The following LRRC20 variants were observed in gnomAD, a reference collection of about 807,000 sequenced individuals.
The protein encoded by LRRC20 is leucine rich repeat containing 20.
A neutral mutation model predicts 14.4 loss-of-function variants in LRRC20; 11 were observed. That is an observed-to-expected ratio of 0.77 (90% confidence interval 0.48 to 1.27). LRRC20 has a LOEUF of 1.27. Ranked by LOEUF, LRRC20 falls within the 50% of genes most tolerant of loss-of-function variation. The probability of loss-of-function intolerance (pLI) is 0.00; values close to 1 mark genes in which losing one functional copy is unlikely to be tolerated. For synonymous variants in LRRC20, 121 were observed against 107.3 expected, an observed-to-expected ratio of 1.13 and a Z score of -0.79; for missense variants, 219 against 251.2, an observed-to-expected ratio of 0.87 and a Z score of 0.87.
chr10:70,333,370 A>G (rs1009836905), intron 3 of LRRC20, among the ~76,000 whole-genome samples: 6 of 152,346 alleles, frequency 3.9e-5, no homozygotes, highest in African/African-American at 1.4e-4. Flanking sequence ...CTGGTGCAGC[A>G]GCAATCCATC....
intron 4 of LRRC20, among the ~76,000 whole-genome samples, chr10:70,304,471 T>TATATAGATAGATAG (rs1491583194): frequency 8.4e-4 from 3 of 3,586 alleles, no homozygotes; most frequent in African/African-American, 3.8e-3. Context: ...GCCACTTCTT[T>TATATAGATAGATAG]ATATATATAT....
Position 70,310,469 on chromosome 10 carries a change from G to C in LRRC20, c.401-8961C>G, listed in dbSNP as rs74491993. 8.5e-3 allele frequency among the ~76,000 whole-genome samples: 1,292 copies of C among 152,258 alleles called. 19 individuals are homozygous for C. The highest frequency in any genetic ancestry group is 0.03 in the African/African-American group (1,243 of 41,540). ...ACGTCCTGCTGCTCCTCAAATCCCA[G>C]CTCAAGGGCGGCTTCCTTTGCCACT... On this transcript the variant is annotated intron_variant, in intron 4 of 4. Coordinates refer to ENST00000446961, the MANE Select transcript of LRRC20 (RefSeq NM_001278212.2).
chr10:70,307,234 T>G (rs1164610638), intron 4 of LRRC20, among the ~76,000 whole-genome samples: 1 of 152,212 alleles, frequency 6.6e-6, no homozygotes, highest in Non-Finnish European at 1.5e-5. Context: ...TGACTGCTGC[T>G]TAGTATACCA....
At chr10:70,318,314 C>G (rs965354576) in intron 4 of LRRC20, among the ~76,000 whole-genome samples, 1 of 152,184 alleles carries the variant, frequency 6.6e-6, no homozygotes, top group Non-Finnish European at 1.5e-5. Context: ...GCATTTCTAA[C>G]CCGTTCTCTA....
At chr10:70,372,090 AC>A (rs1253654861) in intron 2 of LRRC20, among the ~76,000 whole-genome samples, 3 of 150,538 alleles carry the variant, frequency 2.0e-5, no homozygotes, top group Admixed American at 2.0e-4. Context: ...ACCCAGCAGG[AC>A]GGGAAAAGCC....
chr10:70,349,137 G>GTGC (rs143930060), intron 2 of LRRC20, among the ~76,000 whole-genome samples: 34,794 of 152,202 alleles, frequency 0.23, 4,199 homozygotes, highest in East Asian at 0.38. Context: ...AGCACAGACA[G>GTGC]TATATAGTTC....
chr10:70,331,472 C>T lies in LRRC20; in HGVS notation c.233-7442G>A, dbSNP rs547210291. On this transcript the variant is annotated intron_variant, in intron 3 of 4. Coordinates refer to ENST00000446961, the MANE Select transcript of LRRC20 (RefSeq NM_001278212.2). ...AGGAAGAATAAAAGTGTGGCCAAAG[C>T]CCCAGCCACGGGATCGGCCAGTGTG... 2.1e-3 allele frequency among the ~76,000 whole-genome samples: 322 copies of T among 152,342 alleles called. 1 individual carries two copies. The highest frequency in any genetic ancestry group is 3.3e-3 in the Non-Finnish European group (224 of 68,026).
At position 70,312,356 on chromosome 10, in the gene LRRC20, CAAG is replaced by C. The variant is rs550279394; in HGVS notation, c.401-10851_401-10849del. Among the ~76,000 whole-genome samples, 13 of 150,510 alleles carry C rather than the reference CAAG, an allele frequency of 8.6e-5. No homozygotes were observed. The East Asian group carries it at 2.5e-3, about 29-fold the overall frequency. ...GCAGGGACAGGGGGTCATGCTGCAA[CAAG>C]AAGGCTCCGGAGCCACACACACACA... On this transcript the variant is annotated intron_variant, in intron 4 of 4. Coordinates refer to ENST00000446961, the MANE Select transcript of LRRC20 (RefSeq NM_001278212.2).
intron 2 of LRRC20, among the ~76,000 whole-genome samples, chr10:70,341,006 C>A (rs1360161265): frequency 6.6e-6 from 1 of 152,214 alleles, no homozygotes; most frequent in African/African-American, 2.4e-5. Context: ...GCATTCATAG[C>A]AGTGCCTTTG....
chr10:70,318,383 A>T (rs1841949921), intron 4 of LRRC20, among the ~76,000 whole-genome samples: 1 of 152,214 alleles, frequency 6.6e-6, no homozygotes, highest in African/African-American at 2.4e-5. Flanking sequence ...CTGGGATAGT[A>T]AGGTGAAACA....
chr10:70,332,115 C>T (rs1306075473), intron 3 of LRRC20, among the ~76,000 whole-genome samples: 1 of 152,224 alleles, frequency 6.6e-6, no homozygotes, highest in Admixed American at 6.5e-5. Flanking sequence ...CCTGACTGCA[C>T]GGACTCCCCA....
chr10:70,318,987 T>C (rs1047071532), intron 4 of LRRC20, among the ~76,000 whole-genome samples: 1 of 151,532 alleles, frequency 6.6e-6, no homozygotes, highest in African/African-American at 2.4e-5. Context: ...TTGTACTTTT[T>C]GTAGAGATGG....
intron 2 of LRRC20, among the ~76,000 whole-genome samples, chr10:70,360,671 G>A (rs914884766): frequency 2.0e-5 from 3 of 152,050 alleles, no homozygotes; most frequent in Non-Finnish European, 4.4e-5. Context: ...TTGAACTCCG[G>A]GGTTCAAGTG....
intron 3 of LRRC20, among the ~76,000 whole-genome samples, chr10:70,324,627 G>T (rs924091567): frequency 6.6e-6 from 1 of 152,214 alleles, no homozygotes; most frequent in African/African-American, 2.4e-5. Flanking sequence ...TGGGCCGGGG[G>T]AGTCCCTCTG....
chr10:70,304,689 C>T (rs1280361628), intron 4 of LRRC20, among the ~76,000 whole-genome samples: 1 of 151,804 alleles, frequency 6.6e-6, no homozygotes, highest in Non-Finnish European at 1.5e-5. Flanking sequence ...ACTCTATACC[C>T]ATTTAAACAA....
intron 4 of LRRC20, among the ~76,000 whole-genome samples, chr10:70,302,647 A>G (rs1236518273): frequency 6.6e-6 from 1 of 152,052 alleles, no homozygotes; most frequent in Admixed American, 6.5e-5. Context: ...CTGAGGCAGG[A>G]GAATCTCTTG....
intron 4 of LRRC20, among the ~76,000 whole-genome samples, chr10:70,305,480 C>A: frequency 6.6e-6 from 1 of 152,204 alleles, no homozygotes; most frequent in African/African-American, 2.4e-5. Context: ...ACCCTCTGAT[C>A]TTCTTCATCA....
At chr10:70,301,795 C>A (rs1841198993) in intron 4 of LRRC20, among the ~76,000 whole-genome samples, 1 of 152,152 alleles carries the variant, frequency 6.6e-6, no homozygotes, top group Non-Finnish European at 1.5e-5. Flanking sequence ...CTAGGTAGAA[C>A]TGAAAGAATT....
intron 4 of LRRC20, among the ~76,000 whole-genome samples, 169 bp from the exon 5 acceptor site, chr10:70,301,677 G>A (rs1841191350): frequency 6.6e-6 from 1 of 152,134 alleles, no homozygotes; most frequent in Admixed American, 6.5e-5. Context: ...GGGCCATCGG[G>A]CCCACCAGGA....
Sources: allele counts gnomAD v4.1 joint callset (sites outside exome capture counted in the v4.1 genomes callset), GRCh38; gene constraint gnomAD v4.1.1; transcripts MANE v1.5; gene names NCBI Gene and HGNC (gene_info 2026-07-23, HGNC 2026-07-21).